The following PDE8A variants were observed in gnomAD, a reference collection of about 807,000 sequenced individuals.
PDE8A encodes phosphodiesterase 8A, also known as high affinity cAMP-specific and IBMX-insensitive 3',5'-cyclic phosphodiesterase 8A.
PDE8A carries 59 observed loss-of-function variants against 105.0 expected under a neutral mutation model. The ratio of observed to expected loss-of-function variants is 0.56; its 90% confidence interval spans 0.46 to 0.70. The LOEUF (loss-of-function observed/expected upper bound fraction) is 0.70, where lower values mean the gene tolerates loss of function less well. PDE8A is among the 30% of genes least tolerant of loss of function. The pLI, the probability that PDE8A is intolerant of heterozygous loss-of-function variation, is 0.00. For synonymous variants in PDE8A, 355 were observed against 371.9 expected (o/e 0.95, Z 0.52); for missense variants, 1,014 against 1,045.9 (o/e 0.97, Z 0.42).
chr15:85,137,263 C>A (rs923959150), intron 21 of PDE8A, among the ~76,000 whole-genome samples: 3 of 152,194 alleles, frequency 2.0e-5, no homozygotes, highest in Non-Finnish European at 4.4e-5. Context: ...GGGAGAAGGA[C>A]TGAAGCAGTG....
Position 85,100,206 on chromosome 15 carries a change from G to GC in PDE8A, c.1036+12dup. The GC allele has an allele frequency of 6.2e-7, 1 of 1,608,406 alleles. No individual in the cohort carries two copies. The highest frequency in any genetic ancestry group is 8.5e-7 in the Non-Finnish European group (1 of 1,175,572). On this transcript the variant is annotated intron_variant, in intron 11 of 21. Transcript: ENST00000394553. ...AGTCTGACACTCATACAGGTACGGT[G>GC]CCCCGTATTTATTCTTAGAGTTCAT...
At chr15:85,068,969 T>G (rs117526148) in intron 3 of PDE8A, among the ~76,000 whole-genome samples, 2 of 152,324 alleles carry the variant, frequency 1.3e-5, no homozygotes, top group Non-Finnish European at 2.9e-5. Context: ...TTAGGAATAT[T>G]CTAAACAAAT....
chr15:85,018,573 A>T (rs1380024822), intron 1 of PDE8A, among the ~76,000 whole-genome samples: 1 of 152,122 alleles, frequency 6.6e-6, no homozygotes, highest in Non-Finnish European at 1.5e-5. Flanking sequence ...GGAATAAGTA[A>T]CATTGCCATG....
chr15:85,091,411 A>G (rs1475580394), intron 8 of PDE8A, among the ~76,000 whole-genome samples: 1 of 152,214 alleles, frequency 6.6e-6, no homozygotes, highest in East Asian at 1.9e-4. Flanking sequence ...ACACTTAACA[A>G]TCATTGTTTT....
chr15:85,026,866 G>A (rs189668459), intron 1 of PDE8A, among the ~76,000 whole-genome samples: 1 of 152,298 alleles, frequency 6.6e-6, no homozygotes, highest in African/African-American at 2.4e-5. Context: ...AAGGCATTGT[G>A]AAACTTGTGT....
At chr15:85,084,932 C>A (rs2081526733) in intron 6 of PDE8A, among the ~76,000 whole-genome samples, 2 of 152,150 alleles carry the variant, frequency 1.3e-5, no homozygotes, top group South Asian at 4.1e-4. Context: ...TGGAATCTGT[C>A]CACTTAATCT....
chr15:85,118,265 T>C (rs1214594613), intron 17 of PDE8A, among the ~76,000 whole-genome samples: 2 of 152,136 alleles, frequency 1.3e-5, no homozygotes, highest in African/African-American at 4.8e-5. Flanking sequence ...CCCAGGGTTA[T>C]CTACCTAATC....
chr15:85,045,350 G>T (rs1346922341), intron 1 of PDE8A, among the ~76,000 whole-genome samples: 2 of 152,190 alleles, frequency 1.3e-5, no homozygotes, highest in African/African-American at 4.8e-5. Context: ...TTTCCAGCTA[G>T]ATACAGATTA....
intron 11 of PDE8A, among the ~76,000 whole-genome samples, chr15:85,108,439 G>A (rs943224999): frequency 2.0e-5 from 3 of 152,178 alleles, no homozygotes; most frequent in Non-Finnish European, 4.4e-5. Flanking sequence ...GGTCAGGAAG[G>A]TAAGTCAGAG....
chr15:85,103,493 C>T (rs1056712044), intron 11 of PDE8A, among the ~76,000 whole-genome samples: 3 of 152,210 alleles, frequency 2.0e-5, no homozygotes, highest in African/African-American at 7.2e-5. Context: ...AACTGGCCAT[C>T]TTCACTTGAG....
intron 1 of PDE8A, among the ~76,000 whole-genome samples, chr15:85,017,345 A>C (rs1255068171): frequency 6.6e-6 from 1 of 152,148 alleles, no homozygotes; most frequent in Non-Finnish European, 1.5e-5. Context: ...GATTTGTAAT[A>C]CATAGCACAT....
intron 1 of PDE8A, among the ~76,000 whole-genome samples, chr15:85,027,942 A>G (rs953995568): frequency 2.0e-5 from 3 of 152,220 alleles, no homozygotes; most frequent in African/African-American, 4.8e-5. Context: ...TTCCATGTCA[A>G]TTAATGTACT....
intron 1 of PDE8A, among the ~76,000 whole-genome samples, chr15:85,038,214 GGGGTGTGTGTGTGT>G (rs71138361): frequency 0.44 from 63,623 of 144,126 alleles, 14,615 homozygotes; most frequent in East Asian, 0.58. Flanking sequence ...CTCCAATTGG[GGGGTGTGTGTGTGT>G]GTGTGTGTGT....
At chr15:85,082,631 T>A (rs1407865200) in intron 5 of PDE8A, among the ~76,000 whole-genome samples, 3 of 152,112 alleles carry the variant, frequency 2.0e-5, no homozygotes, top group African/African-American at 7.2e-5. Context: ...CTGTCCCAGA[T>A]TGGTCTGGCT....
chr15:85,078,142 C>G (rs1292561475), intron 5 of PDE8A, among the ~76,000 whole-genome samples: 1 of 111,410 alleles, frequency 9.0e-6, no homozygotes, highest in East Asian at 2.6e-4. Context: ...CCTAGTGAAA[C>G]TGCAAAAAAA....
Position 85,137,848 on chromosome 15 carries a change from A to T in PDE8A, c.2435A>T (p.Tyr812Phe). The T allele has an allele frequency of 1.2e-6, 2 of 1,613,796 alleles. No homozygotes were observed. Among genetic ancestry groups the T allele is most frequent in the Non-Finnish European group, 1.7e-6 (2 of 1,179,668 alleles). ...CAGCATCTTGACAACAACTTTAAAT[A>T]CTGGAAAGGACTGGACGAAATGAAG... ...LMQHLDNNFK[Y>F]WKGLDEMKLR... Residue 812 changes from tyrosine to phenylalanine, a missense_variant, in exon 22 of 22, where the codon TAC (tyrosine) becomes TTC (phenylalanine). By Grantham distance (22) the Tyr-to-Phe change is conservative. Transcript: ENST00000394553.
chr15:85,013,639 C>G (rs532301637), intron 1 of PDE8A, among the ~76,000 whole-genome samples: 14 of 152,278 alleles, frequency 9.2e-5, no homozygotes, highest in Middle Eastern at 6.8e-3. Flanking sequence ...GTATTTGTTG[C>G]ATAACAAATT....
chr15:85,089,736 T>C (rs79954586), intron 7 of PDE8A, among the ~76,000 whole-genome samples: 3,832 of 152,274 alleles, frequency 0.025, 166 homozygotes, highest in African/African-American at 0.087. Context: ...GGGGTAGTGC[T>C]GTTGTACGAA....
intron 1 of PDE8A, among the ~76,000 whole-genome samples, chr15:85,045,143 C>T (rs938507015): frequency 5.3e-5 from 8 of 152,204 alleles, no homozygotes; most frequent in Non-Finnish European, 1.0e-4. Context: ...TCACCTCCTG[C>T]ATTGCTGCCT....
Sources: allele counts gnomAD v4.1 joint callset (sites outside exome capture counted in the v4.1 genomes callset), GRCh38; gene constraint gnomAD v4.1.1; transcripts MANE v1.5; gene names NCBI Gene and HGNC (gene_info 2026-07-23, HGNC 2026-07-21).